The following CCNY variants were observed in gnomAD, a reference collection of about 807,000 sequenced individuals.
CCNY encodes cyclin-Y.
Under a neutral mutation model 42.8 loss-of-function variants are expected in CCNY, and 19 were observed. The observed-to-expected ratio is 0.44, with a 90% CI of 0.31 to 0.65. The LOEUF (loss-of-function observed/expected upper bound fraction) is 0.65. Among genes scored for constraint, CCNY ranks in the 30% least tolerant of loss-of-function variants. CCNY has a pLI of 0.07. For missense variants in CCNY, 370 were observed against 437.3 expected (o/e 0.85, Z 1.37); for synonymous variants, 165 against 162.7 (o/e 1.01, Z -0.11).
At position 35,383,399 on chromosome 10, in the gene CCNY, C is replaced by T. The variant is rs34100329; in HGVS notation, c.154+46192C>T. Among the ~76,000 whole-genome samples the T allele has an allele frequency of 9.4e-3, 1,432 of 152,108 alleles. 13 individuals carry two copies. The highest frequency in any genetic ancestry group is 0.017 in the Non-Finnish European group (1,129 of 67,956). ...CTCGGCTCACTGCAACCTTTGCCTC[C>T]CAGGTTCAAGCAGTTCTCCTGCCCC... On this transcript the variant is annotated intron_variant, in intron 1 of 9. Transcript: ENST00000374704.
At chr10:35,508,613 G>C (rs1177940011) in intron 3 of CCNY, among the ~76,000 whole-genome samples, 2 of 152,096 alleles carry the variant, frequency 1.3e-5, no homozygotes, top group Non-Finnish European at 2.9e-5. Context: ...GGTGTAGCTA[G>C]GAAACAGACA....
chr10:35,520,276 G>T (rs997336703), intron 4 of CCNY, among the ~76,000 whole-genome samples: 1 of 152,174 alleles, frequency 6.6e-6, no homozygotes, highest in Non-Finnish European at 1.5e-5. Context: ...AGAAGGAAGA[G>T]TAGTGAAAAA....
chr10:35,530,137 C>G lies in CCNY; in HGVS notation c.473C>G (p.Pro158Arg). The G allele has an allele frequency of 6.2e-7, 1 of 1,614,180 alleles. No homozygotes were observed. The highest frequency in any genetic ancestry group is 1.1e-5 in the South Asian group (1 of 91,082). The change falls in exon 7 of 10, where the codon CCA becomes CGA. Residue 158 changes from proline (P) to arginine (R), a missense_variant. Pro to Arg is a moderately radical substitution (Grantham distance 103). Coordinates refer to ENST00000374704, the MANE Select transcript of CCNY (RefSeq NM_145012.6). This position sits in a 1 kb window ranked among gnomAD's most constrained non-coding sequence, Gnocchi z 4.3. Reference protein sequence around the residue: ...NLHPLSKSEVPPDYDKHNPEQ... With the variant: ...NLHPLSKSEVRPDYDKHNPEQ... ...TTTCTTCCCCAGAAATCCGAAGTGC[C>G]ACCAGATTATGACAAACACAACCCA...
At chr10:35,279,264 C>T (rs1835273244) in intron 3 of CCNY, among the ~76,000 whole-genome samples, 1 of 151,996 alleles carries the variant, frequency 6.6e-6, no homozygotes, top group Non-Finnish European at 1.5e-5. Flanking sequence ...CACAGGCATG[C>T]ACCACCACGC....
chr10:35,266,250 T>C (rs1410592327), intron 3 of CCNY, among the ~76,000 whole-genome samples: 5 of 89,500 alleles, frequency 5.6e-5, no homozygotes, highest in Middle Eastern at 4.7e-3. Context: ...GCTAATTTCC[T>C]TTTTTTTTTT....
intron 1 of CCNY, among the ~76,000 whole-genome samples, chr10:35,354,842 T>TA (rs1405787231): frequency 6.1e-5 from 9 of 146,964 alleles, no homozygotes; most frequent in African/African-American, 2.2e-4. Context: ...GGCAGCTTTC[T>TA]CCTTCAGTAT....
chr10:35,250,092 G>A (rs1177690193), intron 2 of CCNY, among the ~76,000 whole-genome samples: 2 of 151,802 alleles, frequency 1.3e-5, no homozygotes, highest in Non-Finnish European at 2.9e-5. Flanking sequence ...TGCTGGGGAG[G>A]CTGAGGCAGG....
intron 3 of CCNY, among the ~76,000 whole-genome samples, chr10:35,291,297 C>T (rs1426746794): frequency 6.6e-6 from 1 of 151,910 alleles, no homozygotes. Context: ...GTGAGTCATT[C>T]CCGGCCTAAT....
At chr10:35,453,676 T>C (rs1443371322) in intron 1 of CCNY, among the ~76,000 whole-genome samples, 1 of 152,224 alleles carries the variant, frequency 6.6e-6, no homozygotes, top group Non-Finnish European at 1.5e-5. Flanking sequence ...AATTACTTCT[T>C]TCAAGTGATT....
At chr10:35,268,965 T>C (rs2095728349) in intron 3 of CCNY, among the ~76,000 whole-genome samples, 1 of 152,250 alleles carries the variant, frequency 6.6e-6, no homozygotes, top group South Asian at 2.1e-4. Context: ...TGGAGATCTC[T>C]GGAATGCCTC....
At chr10:35,311,712 G>C (rs1158183788) in intron 3 of CCNY, among the ~76,000 whole-genome samples, 1 of 142,372 alleles carries the variant, frequency 7.0e-6, no homozygotes, top group East Asian at 2.1e-4. Context: ...TTGGCTGAGT[G>C]TGGTGGCTCA....
chr10:35,290,222 T>TCTCACA (rs1554774113), intron 3 of CCNY, among the ~76,000 whole-genome samples: 1 of 122,962 alleles, frequency 8.1e-6, no homozygotes, highest in Non-Finnish European at 1.6e-5. Flanking sequence ...CAAGACTCCA[T>TCTCACA]CACACACACA....
chr10:35,376,890 G>T (rs1462760973), intron 1 of CCNY, among the ~76,000 whole-genome samples: 1 of 152,170 alleles, frequency 6.6e-6, no homozygotes, highest in Non-Finnish European at 1.5e-5. Context: ...TGCCAGAGAT[G>T]GGGGGAGAAG....
intron 3 of CCNY, among the ~76,000 whole-genome samples, chr10:35,511,351 G>A (rs1376511084): frequency 6.6e-6 from 1 of 152,114 alleles, no homozygotes; most frequent in Non-Finnish European, 1.5e-5. Context: ...AGAGTGACTG[G>A]TGCTGTGGAG....
intron 1 of CCNY, among the ~76,000 whole-genome samples, chr10:35,416,964 A>G (rs1838037695): frequency 6.6e-6 from 1 of 152,244 alleles, no homozygotes; most frequent in Non-Finnish European, 1.5e-5. Flanking sequence ...TTCATAACCC[A>G]TCAAACAGTG....
intron 3 of CCNY, among the ~76,000 whole-genome samples, chr10:35,324,770 T>C (rs956117329): frequency 6.6e-6 from 1 of 152,204 alleles, no homozygotes; most frequent in African/African-American, 2.4e-5. Flanking sequence ...TTCTATAAAG[T>C]TGAAATGGGT....
intron 1 of CCNY, among the ~76,000 whole-genome samples, chr10:35,458,730 C>T (rs139231558): frequency 6.7e-4 from 102 of 152,272 alleles, no homozygotes; most frequent in Middle Eastern, 3.4e-3. Context: ...GAGCCAAGCC[C>T]GTCCTGAATT....
chr10:35,392,464 C>T (rs746760998), intron 1 of CCNY, among the ~76,000 whole-genome samples: 24 of 152,118 alleles, frequency 1.6e-4, no homozygotes, highest in African/African-American at 5.8e-4. Flanking sequence ...GAGAATGTCC[C>T]GTGGACTCAT....
intron 1 of CCNY, among the ~76,000 whole-genome samples, chr10:35,395,924 C>G (rs1311801159): frequency 1.3e-5 from 2 of 152,036 alleles, no homozygotes; most frequent in Non-Finnish European, 2.9e-5. Flanking sequence ...TACAGCATCC[C>G]CAGCTGGCCC....
Sources: gnomAD v4.1 joint callset for allele counts (sites outside exome capture counted in the v4.1 genomes callset) on GRCh38, gnomAD v4.1.1 for gene constraint, Gnocchi (gnomAD v3.1) non-coding constraint, MANE v1.5 for transcripts, NCBI Gene and HGNC (gene_info 2026-07-23, HGNC 2026-07-21) for gene names.